AP1AR: variants seen among roughly 807,000 people sequenced by gnomAD.
AP1AR encodes the protein AP-1 complex-associated regulatory protein.
In AP1AR, 29 loss-of-function variants were observed where a neutral mutation model predicts 46.3. That is an observed-to-expected ratio of 0.63 (90% CI 0.47 to 0.85). AP1AR has a LOEUF of 0.85. AP1AR is among the 40% of genes least tolerant of loss of function. The pLI is 0.00. For missense variants in AP1AR, 357 were observed against 356.3 expected, an observed-to-expected ratio of 1.00 and a Z score of -0.02; for synonymous variants, 122 against 122.9, an observed-to-expected ratio of 0.99 and a Z score of 0.05.
At chr4:112,248,116 G>A (rs867341618) in intron 1 of AP1AR, among the ~76,000 whole-genome samples, 24 of 152,174 alleles carry the variant, frequency 1.6e-4, no homozygotes, top group African/African-American at 5.3e-4. Context: ...AGAAGAAAAA[G>A]TTAAATAATA....
intron 3 of AP1AR, among the ~76,000 whole-genome samples, chr4:112,256,514 G>A (rs1009067268): frequency 6.6e-6 from 1 of 152,162 alleles, no homozygotes; most frequent in Admixed American, 6.5e-5. Context: ...TTGGTTGGCT[G>A]AGGATTTTTT....
intron 2 of AP1AR, among the ~76,000 whole-genome samples, chr4:112,253,865 C>T (rs1726070553): frequency 6.6e-6 from 1 of 152,156 alleles, no homozygotes; most frequent in African/African-American, 2.4e-5. Flanking sequence ...TCCAAACTGC[C>T]TGGCTTCAAA....
intron 4 of AP1AR, 83 bp downstream of exon 4, chr4:112,257,880 G>A: frequency 1.6e-6 from 2 of 1,262,510 alleles, no homozygotes; most frequent in Non-Finnish European, 2.1e-6. Context: ...TTTATCATTT[G>A]CTTGCTTTGA....
chr4:112,264,453 A>C (rs1409600464), intron 6 of AP1AR, among the ~76,000 whole-genome samples: 1 of 152,184 alleles, frequency 6.6e-6, no homozygotes, highest in Non-Finnish European at 1.5e-5. Context: ...GCAGTAATAT[A>C]GCTATCTGTA....
At chr4:112,250,850 CTTGTT>C (rs1284316520) in intron 1 of AP1AR, among the ~76,000 whole-genome samples, 1 of 152,022 alleles carries the variant, frequency 6.6e-6, no homozygotes, top group African/African-American at 2.4e-5. Flanking sequence ...TTCTCTTTAT[CTTGTT>C]TTATTTATTG....
chr4:112,237,385 C>T (rs1290277063), intron 1 of AP1AR, among the ~76,000 whole-genome samples: 1 of 152,112 alleles, frequency 6.6e-6, no homozygotes. Context: ...GGATTACAGG[C>T]GTGAGCCACT....
chr4:112,241,863 A>G (rs1725514402), intron 1 of AP1AR, among the ~76,000 whole-genome samples: 1 of 152,160 alleles, frequency 6.6e-6, no homozygotes, highest in African/African-American at 2.4e-5. Context: ...TTTGCCAGGC[A>G]TTAGATTTAT....
chr4:112,249,661 A>T (rs1166165762), intron 1 of AP1AR, among the ~76,000 whole-genome samples: 1 of 151,320 alleles, frequency 6.6e-6, no homozygotes, highest in Admixed American at 6.6e-5. Flanking sequence ...TCAAAAAAGA[A>T]ATATATATAT....
At position 112,272,256 on chromosome 4, in the gene AP1AR, C is replaced by T. The variant is rs890331997; in HGVS notation, c.*3847C>T. On this transcript the variant is annotated 3_prime_UTR_variant, in exon 10 of 10. Coordinates refer to ENST00000274000, the MANE Select transcript of AP1AR (RefSeq NM_018569.6). ...GGCAGATATGAACAGGGCAGGACAG[C>T]GCCACAAAGACTGTGAGGGCTGGTG... Among the ~76,000 whole-genome samples, 43 of 152,060 alleles carry T rather than the reference C, an allele frequency of 2.8e-4. No individual in the cohort carries two copies. Among genetic ancestry groups the T allele is most frequent in the African/African-American group, 9.4e-4 (39 of 41,396 alleles).
At position 112,247,736 on chromosome 4, in the gene AP1AR, T is replaced by C. The variant is rs1286187841; in HGVS notation, c.84-5472T>C. ...TTTCTAATTGACCTCTTAAAACATA[T>C]GTCAGCGTGTCTTTTAAGGATCTTC... On this transcript the variant is annotated intron_variant, in intron 1 of 9. Transcript: ENST00000274000. Among the ~76,000 whole-genome samples, 9 of 152,234 alleles carry C rather than the reference T, an allele frequency of 5.9e-5. No homozygotes were observed. In the East Asian group the frequency reaches 1.3e-3, roughly 23 times the overall value.
rs1726921370 is a variant in AP1AR at position 112,270,923 on chromosome 4, A to G, written c.*2514A>G. Among the ~76,000 whole-genome samples the G allele has an allele frequency of 6.6e-6, 1 of 152,218 alleles. No homozygotes were observed. The highest frequency in any genetic ancestry group is 2.4e-5 in the African/African-American group (1 of 41,460). Reference sequence around the variant, plus strand: ...GTTGCTGTGTAGAGAATGGATTGTAAGAAGGCAAGAGTGGATATATAGCAC... The same window carrying G: ...GTTGCTGTGTAGAGAATGGATTGTAGGAAGGCAAGAGTGGATATATAGCAC... On this transcript the variant is annotated 3_prime_UTR_variant, in exon 10 of 10. Coordinates refer to ENST00000274000, the MANE Select transcript of AP1AR (RefSeq NM_018569.6).
chr4:112,245,012 C>G (rs889443573), intron 1 of AP1AR, among the ~76,000 whole-genome samples: 1 of 152,084 alleles, frequency 6.6e-6, no homozygotes, highest in Non-Finnish European at 1.5e-5. Context: ...ATGTAGGAAG[C>G]TTTGTACAAC....
chr4:112,263,141 T>C, intron 6 of AP1AR, 55 bp downstream of exon 6: 2 of 1,393,350 alleles, frequency 1.4e-6, no homozygotes, highest in Non-Finnish European at 2.0e-6. Context: ...TTATTTTCTC[T>C]GACAAATCTT....
intron 1 of AP1AR, among the ~76,000 whole-genome samples, chr4:112,248,739 A>G (rs1326566258): frequency 1.3e-5 from 2 of 152,178 alleles, no homozygotes; most frequent in Non-Finnish European, 2.9e-5. Context: ...AACTCTTCCC[A>G]TGGTCTATAA....
intron 9 of AP1AR, among the ~76,000 whole-genome samples, chr4:112,267,919 A>G (rs1726775421): frequency 6.6e-6 from 1 of 152,070 alleles, no homozygotes; most frequent in African/African-American, 2.4e-5. Flanking sequence ...CGATGCATCA[A>G]AACTGCCCTT....
rs914573996 is a variant in AP1AR, at chr4:112,270,177, C to G, written c.*1768C>G. ...AGTAAATTAAGAAAGCAAGATGGAA[C>G]TAGAAAATGTGTTTTAACTGTTAAA... On this transcript the variant is annotated 3_prime_UTR_variant, in exon 10 of 10. Coordinates refer to ENST00000274000, the MANE Select transcript of AP1AR (RefSeq NM_018569.6). 2 of 152,388 alleles carry G rather than the reference C, an allele frequency of 1.3e-5. No homozygotes were observed. The highest frequency in any genetic ancestry group is 6.6e-5 in the Admixed American group (1 of 15,264). The allele number at this position is 152,388 out of a possible 1,614,324, so 9.4% of individuals were successfully genotyped here.
chr4:112,237,594 A>G (rs914823127), intron 1 of AP1AR, among the ~76,000 whole-genome samples: 6 of 151,916 alleles, frequency 3.9e-5, no homozygotes, highest in African/African-American at 1.5e-4. Flanking sequence ...AGCTGGGACT[A>G]CAGGCGCAGG....
rs564283145 is a variant in AP1AR at position 112,272,302 on chromosome 4, CAG to C, written c.*3894_*3895del. 5.8e-4 allele frequency among the ~76,000 whole-genome samples: 89 copies of C among 152,202 alleles called. No individual in the cohort carries two copies. Among genetic ancestry groups the C allele is most frequent in the African/African-American group, 1.7e-3 (69 of 41,508 alleles). ...TGGTGACAGGGAAGGGAAAATCTAACAGGAGACATCTTGAGCTCATGGGCAAC... is the reference window on the plus strand; with the variant it reads ...TGGTGACAGGGAAGGGAAAATCTAACGAGACATCTTGAGCTCATGGGCAAC... On this transcript the variant is annotated 3_prime_UTR_variant, in exon 10 of 10. Transcript: ENST00000274000.
rs1206822919 is a variant in AP1AR at position 112,270,334 on chromosome 4, ATAAGGTCTCTGCTCTTTGCT to A, written c.*1928_*1947del. 6.6e-6 allele frequency among the ~76,000 whole-genome samples: 1 copy of A among 152,240 alleles called. No homozygotes were observed. Among genetic ancestry groups the A allele is most frequent in the East Asian group, 1.9e-4 (1 of 5,208 alleles). Reference sequence around the variant, plus strand: ...TAGGGACATAGAAGTACAAAGACATATAAGGTCTCTGCTCTTTGCTTACCATTCTGGTGAGAGAGAGAGAC... The same window carrying A: ...TAGGGACATAGAAGTACAAAGACATATACCATTCTGGTGAGAGAGAGAGAC... On this transcript the variant is annotated 3_prime_UTR_variant, in exon 10 of 10. Coordinates refer to ENST00000274000, the MANE Select transcript of AP1AR (RefSeq NM_018569.6).
Sources: gnomAD v4.1 joint callset for allele counts (sites outside exome capture counted in the v4.1 genomes callset) on GRCh38, gnomAD v4.1.1 for gene constraint, MANE v1.5 for transcripts, NCBI Gene and HGNC (gene_info 2026-07-23, HGNC 2026-07-21) for gene names.